SCARB2: variants seen among roughly 807,000 people sequenced by gnomAD.
SCARB2 encodes scavenger receptor class B member 2.
Under a neutral mutation model 58.6 loss-of-function variants are expected in SCARB2, and 29 were observed. The observed-to-expected ratio is 0.49, with a 90% CI of 0.37 to 0.67. The LOEUF (loss-of-function observed/expected upper bound fraction) is 0.67, where lower values mean the gene tolerates loss of function less well. Among genes scored for constraint, SCARB2 ranks in the 30% least tolerant of loss-of-function variants. The pLI is 0.00. For synonymous variants in SCARB2, 195 were observed against 210.1 expected, an observed-to-expected ratio of 0.93 and a Z score of 0.62; for missense variants, 488 against 578.5, an observed-to-expected ratio of 0.84 and a Z score of 1.60.
intron 6 of SCARB2, 87 bp downstream of exon 6, chr4:76,175,704 T>C (rs377495875): frequency 9.1e-5 from 133 of 1,467,094 alleles, no homozygotes; most frequent in East Asian, 6.8e-4. Flanking sequence ...GCATAATAAG[T>C]GTGTCTGCAT....
chr4:76,165,266 T>A (rs764909229), intron 10 of SCARB2: 3 of 152,188 alleles, frequency 2.0e-5, no homozygotes, highest in Non-Finnish European at 2.9e-5. Flanking sequence ...AAAAACCTCA[T>A]CTTAGAATTG....
rs143823558 is a variant in SCARB2 at position 76,181,145 on chromosome 4, T to TA, written c.276-45dup. 12,825 of 1,583,132 alleles carry TA rather than the reference T, an allele frequency of 8.1e-3. 69 individuals are homozygous for TA. The highest frequency in any genetic ancestry group is 9.6e-3 in the Non-Finnish European group (11,084 of 1,155,550). Reference sequence around the variant, plus strand: ...TTTTATTTGAAAATAGACACCACTTTAATAAGCAAGACTTTTCCTTTCTTT... The same window carrying TA: ...TTTTATTTGAAAATAGACACCACTTTAAATAAGCAAGACTTTTCCTTTCTTT... On this transcript the variant is annotated intron_variant, in intron 2 of 11. Coordinates refer to ENST00000264896, the MANE Select transcript of SCARB2 (RefSeq NM_005506.4).
intron 2 of SCARB2, among the ~76,000 whole-genome samples, chr4:76,182,438 TTTTA>T (rs1357724256): frequency 2.0e-5 from 3 of 152,342 alleles, no homozygotes; most frequent in African/African-American, 7.2e-5. Context: ...TCAAAATTAA[TTTTA>T]CCTGCTTCCT....
chr4:76,189,012 T>C (rs1732545568), intron 2 of SCARB2, among the ~76,000 whole-genome samples: 1 of 152,222 alleles, frequency 6.6e-6, no homozygotes, highest in Non-Finnish European at 1.5e-5. Context: ...AGTAACTGCG[T>C]TTTTTGTCAT....
intron 1 of SCARB2, among the ~76,000 whole-genome samples, chr4:76,234,136 T>G (rs1578756193): frequency 6.7e-6 from 1 of 148,986 alleles, no homozygotes; most frequent in African/African-American, 2.5e-5. Flanking sequence ...GAGGGGAGGG[T>G]GGAGGGGAGC....
At chr4:76,214,539 A>G, upstream of SCARB2, 1 of 346,248 alleles carries the variant, frequency 2.9e-6, no homozygotes, top group South Asian at 2.1e-5. Context: ...TGAGGCCCCA[A>G]GAGGTCAGAC....
chr4:76,194,987 G>T (rs1732683127), intron 2 of SCARB2: 1 of 152,170 alleles, frequency 6.6e-6, no homozygotes, highest in Non-Finnish European at 1.5e-5. Flanking sequence ...AGAAAGATCT[G>T]TCTCAGACAA....
chr4:76,225,040 T>A (rs1422515538), intron 1 of SCARB2, among the ~76,000 whole-genome samples: 1 of 152,168 alleles, frequency 6.6e-6, no homozygotes, highest in Non-Finnish European at 1.5e-5. Flanking sequence ...GATACAATGT[T>A]TGGTTTTCTA....
At chr4:76,176,284 T>C in intron 5 of SCARB2, 153 bp downstream of exon 5, 1 of 627,980 alleles carries the variant, frequency 1.6e-6, no homozygotes, top group Admixed American at 2.9e-5. Flanking sequence ...TACCACCATC[T>C]TGATTTGTAG....
At chr4:76,217,465 A>G, upstream of SCARB2, 1 of 407,288 alleles carries the variant, frequency 2.5e-6, no homozygotes, top group Non-Finnish European at 4.3e-6. Context: ...CTCAGGCATG[A>G]GTGAGTTGTC....
chr4:76,169,826 T>G (rs1209433659), intron 8 of SCARB2, 41 bp downstream of exon 8: 1 of 1,464,816 alleles, frequency 6.8e-7, no homozygotes, highest in East Asian at 2.3e-5. Flanking sequence ...ATAGACAGAA[T>G]AAAACATATG....
chr4:76,219,385 G>A (rs1733268932), intron 1 of SCARB2, among the ~76,000 whole-genome samples: 1 of 152,188 alleles, frequency 6.6e-6, no homozygotes, highest in Admixed American at 6.5e-5. Flanking sequence ...GTTCTCACTT[G>A]AGGTACTTTG....
chr4:76,228,457 C>T (rs374625608), intron 1 of SCARB2, among the ~76,000 whole-genome samples: 17 of 147,556 alleles, frequency 1.2e-4, no homozygotes, highest in African/African-American at 3.5e-4. Context: ...CCAGCCTGGG[C>T]GATGGAGTAA....
intron 2 of SCARB2, among the ~76,000 whole-genome samples, chr4:76,187,170 C>T (rs1437186629): frequency 6.6e-6 from 1 of 152,146 alleles, no homozygotes; most frequent in Non-Finnish European, 1.5e-5. Flanking sequence ...ATAAGAAAAT[C>T]GACTTGAACA....
At position 76,176,470 on chromosome 4, in the gene SCARB2, TTAAGG is replaced by T. The variant is rs886041075; in HGVS notation, c.666_670del (p.Tyr222Ter). On this transcript the variant is annotated stop_gained and frameshift_variant, in exon 5 of 12. Transcript: ENST00000264896. LOFTEE classifies it high-confidence loss of function. Reference sequence around the variant, plus strand: ...ATTCCATTCCACAATTTTTGTAAAGTTAAGGTAACTGTCTTCTCCAGTTAGAAAAA... The same window carrying T: ...ATTCCATTCCACAATTTTTGTAAAGTTAACTGTCTTCTCCAGTTAGAAAAA... 13 of 1,612,602 alleles carry T rather than the reference TTAAGG, an allele frequency of 8.1e-6. No homozygotes were observed. Among genetic ancestry groups the T allele is most frequent in the Non-Finnish European group, 1.0e-5 (12 of 1,179,162 alleles).
rs538819584 is a variant in SCARB2, at chr4:76,159,432, T to G, written c.*2281A>C. The G allele has an allele frequency of 2.6e-5, 4 of 152,160 alleles. No homozygotes were observed. Among genetic ancestry groups the G allele is most frequent in the African/African-American group, 7.2e-5 (3 of 41,436 alleles). The allele number at this position is 152,160 out of a possible 1,614,324, so 9.4% of individuals were successfully genotyped here. A position where few individuals can be genotyped will look rare whatever the true frequency, so the allele number is the denominator to read the frequency against. ...ATTTAAACCAAGTAACTATTAAGAA[T>G]CATAAAACAGGCCAGGCCCGGTGGC... On this transcript the variant is annotated 3_prime_UTR_variant, in exon 12 of 12. Coordinates refer to ENST00000264896, the MANE Select transcript of SCARB2 (RefSeq NM_005506.4).
At chr4:76,201,119 C>T (rs1458718250) in intron 1 of SCARB2, among the ~76,000 whole-genome samples, 1 of 152,220 alleles carries the variant, frequency 6.6e-6, no homozygotes, top group Non-Finnish European at 1.5e-5. Context: ...CAACCATCTA[C>T]TGTTACCTAG....
At position 76,222,923 on chromosome 4, in the gene SCARB2, G is replaced by C. The variant is rs184352856; in HGVS notation, c.-358+11380C>G. 2.9e-3 allele frequency among the ~76,000 whole-genome samples: 436 copies of C among 152,258 alleles called. 9 individuals carry two copies. Among genetic ancestry groups the C allele is most frequent in the Admixed American group, 0.023 (347 of 15,310 alleles). On this transcript the variant is annotated intron_variant, in intron 1 of 11. Coordinates refer to the SCARB2 transcript ENST00000638295. ...GCTGAAGCTCAGAAGAAAGGCAGGG[G>C]GGGAAGAGGCCCAGGTGAAGCCTCG...
chr4:76,203,640 G>A (rs951694722), intron 1 of SCARB2, among the ~76,000 whole-genome samples: 4 of 152,220 alleles, frequency 2.6e-5, no homozygotes, highest in African/African-American at 9.7e-5. Flanking sequence ...ACAGAACTGA[G>A]AACAACCTCT....
Sources: allele counts gnomAD v4.1 joint callset (sites outside exome capture counted in the v4.1 genomes callset), GRCh38; gene constraint gnomAD v4.1.1; transcripts MANE v1.5; gene names NCBI Gene and HGNC (gene_info 2026-07-23, HGNC 2026-07-21).